The following HMGN5 variants were observed in gnomAD, a reference collection of about 807,000 sequenced individuals.
HMGN5 encodes high mobility group nucleosome binding domain 5, also known as high mobility group nucleosome-binding domain-containing protein 5.
In HMGN5, 4 loss-of-function variants were observed where a neutral mutation model predicts 9.5. The observed-to-expected ratio is 0.42, with a 90% confidence interval of 0.21 to 0.96. The LOEUF (loss-of-function observed/expected upper bound fraction) is 0.96, where lower values mean the gene tolerates loss of function less well. HMGN5 is among the 40% of genes least tolerant of loss of function. The pLI is 0.30. For missense variants in HMGN5, 192 were observed against 187.5 expected (o/e 1.02, Z -0.14); for synonymous variants, 55 against 57.1 (o/e 0.96, Z 0.16).
intron 1 of HMGN5, among the ~76,000 whole-genome samples, chrX:81,191,063 C>T (rs2075492812): frequency 9.0e-6 from 1 of 111,490 alleles, no homozygotes; most frequent in African/African-American, 3.3e-5. Context: ...TATGTTTAAA[C>T]ATTTTTATTT....
intron 1 of HMGN5, among the ~76,000 whole-genome samples, chrX:81,181,893 G>C (rs1016874541): frequency 4.5e-5 from 5 of 112,093 alleles, no homozygotes; most frequent in African/African-American, 1.6e-4. Flanking sequence ...TGGGAATAGG[G>C]CTGTAATAAA....
intron 1 of HMGN5, among the ~76,000 whole-genome samples, chrX:81,163,565 T>C (rs2075403355): frequency 8.9e-6 from 1 of 111,894 alleles, no homozygotes; most frequent in African/African-American, 3.2e-5. Flanking sequence ...AGTACTGATA[T>C]AGAAAACTCA....
In HMGN5 at chrX:81,139,469, C is replaced by T. The variant is rs760675803; in HGVS notation, c.-123-17797G>A. Among the ~76,000 whole-genome samples the T allele has an allele frequency of 7.3e-5, 8 of 110,295 alleles. No homozygotes were observed. In the South Asian group the frequency reaches 3.1e-3, roughly 43 times the overall value. ...GGGAAGCTCCATCAATTATCTTCCC[C>T]GCAAGGACAGTAATTTAACAACTAT... On this transcript the variant is annotated intron_variant, in intron 1 of 6. Transcript: ENST00000358130.
At chrX:81,155,104 C>T (rs865873884) in intron 1 of HMGN5, among the ~76,000 whole-genome samples, 196 of 80,552 alleles carry the variant, frequency 2.4e-3, no homozygotes, top group African/African-American at 9.4e-3. Flanking sequence ...TATATATATA[C>T]ACACACACAT....
chrX:81,171,952 G>T (rs969215787), intron 1 of HMGN5, among the ~76,000 whole-genome samples: 2 of 111,640 alleles, frequency 1.8e-5, no homozygotes, highest in African/African-American at 6.5e-5. Context: ...ACAAATTAAA[G>T]AATCCTAGAT....
chrX:81,201,280 G>T (rs745583159), intron 1 of HMGN5, among the ~76,000 whole-genome samples: 13 of 109,918 alleles, frequency 1.2e-4, no homozygotes, highest in Admixed American at 5.9e-4. Context: ...TATATGGTCT[G>T]TCTCTGGACA....
intron 1 of HMGN5, among the ~76,000 whole-genome samples, chrX:81,179,812 G>T (rs970329068): frequency 9.0e-6 from 1 of 111,474 alleles, no homozygotes; most frequent in Non-Finnish European, 1.9e-5. Context: ...ATACTACAAG[G>T]CTACAGTAAC....
chrX:81,146,158 A>G (rs773329969), intron 1 of HMGN5, among the ~76,000 whole-genome samples: 1 of 111,815 alleles, frequency 8.9e-6, no homozygotes, highest in Admixed American at 9.5e-5. Flanking sequence ...GACCTAAAAG[A>G]CATCTACAGA....
chrX:81,181,936 A>G (rs2075464040), intron 1 of HMGN5, among the ~76,000 whole-genome samples: 2 of 111,742 alleles, frequency 1.8e-5, no homozygotes, highest in African/African-American at 6.5e-5. Context: ...CGATATACTG[A>G]TTTCCTTTCT....
intron 1 of HMGN5, among the ~76,000 whole-genome samples, chrX:81,183,768 T>C (rs2075469517): frequency 1.8e-5 from 2 of 112,639 alleles, no homozygotes; most frequent in African/African-American, 6.4e-5. Context: ...ATTTTGGAGA[T>C]TTAAGATGTA....
intron 1 of HMGN5, among the ~76,000 whole-genome samples, chrX:81,188,544 G>A (rs1429164561): frequency 1.8e-5 from 2 of 109,463 alleles, no homozygotes; most frequent in African/African-American, 3.3e-5. Flanking sequence ...TGTTACATAC[G>A]TATACATGTG....
At chrX:81,154,545 C>G (rs907833948) in intron 1 of HMGN5, among the ~76,000 whole-genome samples, 1 of 110,779 alleles carries the variant, frequency 9.0e-6, no homozygotes. Context: ...AGCTTTTGCA[C>G]AGCAAAAGAA....
intron 1 of HMGN5, among the ~76,000 whole-genome samples, chrX:81,170,062 A>G (rs1012498991): frequency 9.2e-6 from 1 of 108,187 alleles, no homozygotes; most frequent in Non-Finnish European, 1.9e-5. Context: ...TCAAAAAAAA[A>G]AAAAAAAAAA....
At chrX:81,153,511 G>C (rs1233509964) in intron 1 of HMGN5, among the ~76,000 whole-genome samples, 1 of 90,118 alleles carries the variant, frequency 1.1e-5, no homozygotes, top group African/African-American at 4.1e-5. Context: ...CCAAGATCAA[G>C]CCACTGCACT....
rs780533466 is a variant in HMGN5 at position 81,177,546 on chromosome X, G to C, written c.-124+24191C>G. On this transcript the variant is annotated intron_variant, in intron 1 of 6. Transcript: ENST00000358130. ...AAATATATATGTACCCAATACAGGA[G>C]CACCCAGATTCATAAAGCAAGTCCT... is the stretch of plus-strand genomic sequence containing the variant. 2.7e-5 allele frequency among the ~76,000 whole-genome samples: 3 copies of C among 109,878 alleles called. No individual in the cohort carries two copies. In the Admixed American group the frequency reaches 2.9e-4, roughly 11 times the overall value.
intron 2 of HMGN5, 27 bp downstream of exon 2, chrX:81,121,508 C>A (rs1188626124): frequency 1.0e-5 from 12 of 1,188,602 alleles, no homozygotes; most frequent in Admixed American, 4.4e-5. Flanking sequence ...GCAGCTCATT[C>A]CCCGTCTGTC....
At chrX:81,196,293 G>T (rs1931711952) in intron 1 of HMGN5, among the ~76,000 whole-genome samples, 1 of 110,435 alleles carries the variant, frequency 9.1e-6, no homozygotes, top group Non-Finnish European at 1.9e-5. Flanking sequence ...TGATGTTGTT[G>T]GTTCTTCTAA....
intron 1 of HMGN5, among the ~76,000 whole-genome samples, chrX:81,140,240 G>A (rs1294990755): frequency 1.8e-5 from 2 of 111,315 alleles, no homozygotes; most frequent in Non-Finnish European, 3.8e-5. Context: ...CATACCTTGA[G>A]CCAGAAGGGA....
chrX:81,140,199 C>A (rs2075324203), intron 1 of HMGN5, among the ~76,000 whole-genome samples: 1 of 111,573 alleles, frequency 9.0e-6, no homozygotes, highest in Non-Finnish European at 1.9e-5. Context: ...GTCACTGTTT[C>A]AGGCCCTAGT....
Sources: allele counts gnomAD v4.1 joint callset (sites outside exome capture counted in the v4.1 genomes callset), GRCh38; gene constraint gnomAD v4.1.1; transcripts MANE v1.5; gene names NCBI Gene and HGNC (gene_info 2026-07-23, HGNC 2026-07-21).